The following EYS variants were observed in gnomAD, a reference collection of about 807,000 sequenced individuals.
The protein encoded by EYS is protein eyes shut homolog.
A neutral mutation model predicts 282.1 loss-of-function variants in EYS; 250 were observed. The observed-to-expected ratio is 0.89, with a 90% CI of 0.80 to 0.98. EYS has a LOEUF of 0.98. Among genes scored for constraint, EYS ranks in the 50% least tolerant of loss-of-function variants. The pLI is 0.00. For missense variants in EYS, 4,016 were observed against 3,709.0 expected, an observed-to-expected ratio of 1.08 and a Z score of -2.15; for synonymous variants, 1,355 against 1,282.9, an observed-to-expected ratio of 1.06 and a Z score of -1.20.
intron 12 of EYS, among the ~76,000 whole-genome samples, chr6:65,114,364 A>AAGCAGCAGC: frequency 1.2e-5 from 1 of 85,516 alleles, no homozygotes; most frequent in South Asian, 2.6e-4. Context: ...AAAAAAAAAA[A>AAGCAGCAGC]AGCAGCAGCA....
chr6:64,843,414 T>C (rs2760577), intron 19 of EYS, among the ~76,000 whole-genome samples: 107,949 of 152,062 alleles, frequency 0.71, 38,705 homozygotes, highest in Admixed American at 0.76. Context: ...GGCTATACCC[T>C]GAAAAGCCAC....
chr6:64,381,186 A>G (rs1030658931), intron 29 of EYS, among the ~76,000 whole-genome samples: 2 of 152,124 alleles, frequency 1.3e-5, no homozygotes, highest in African/African-American at 4.8e-5. Context: ...AACGTTCTTT[A>G]TACTAACGGT....
intron 14 of EYS, among the ~76,000 whole-genome samples, chr6:64,967,249 T>A (rs1182453681): frequency 6.6e-6 from 1 of 152,156 alleles, no homozygotes; most frequent in Non-Finnish European, 1.5e-5. Flanking sequence ...AGACTCTGCT[T>A]ATTTTTACCA....
intron 22 of EYS, among the ~76,000 whole-genome samples, chr6:64,685,864 G>T (rs1770078850): frequency 6.6e-6 from 1 of 151,896 alleles, no homozygotes; most frequent in Non-Finnish European, 1.5e-5. Flanking sequence ...AACTACATTT[G>T]AATCATTAAC....
At chr6:63,833,805 AACTAT>A (rs528205460) in intron 36 of EYS, among the ~76,000 whole-genome samples, 409 of 152,350 alleles carry the variant, frequency 2.7e-3, no homozygotes, top group Middle Eastern at 6.8e-3. Flanking sequence ...CAGGACTTCA[AACTAT>A]ACTACAAGGC....
chr6:65,421,146 C>G lies in EYS; in HGVS notation c.863-15779G>C, dbSNP rs186378029. On this transcript the variant is annotated intron_variant, in intron 5 of 42. Transcript: ENST00000503581. ...GTCAGCATTGACTTTTCCTCTCTAG[C>G]TGTGAAAGTCCTAGGTGGCACTATC... is the stretch of plus-strand genomic sequence containing the variant. 2.3e-3 allele frequency among the ~76,000 whole-genome samples: 351 copies of G among 151,984 alleles called. 3 individuals are homozygous for G. Among genetic ancestry groups the G allele is most frequent in the African/African-American group, 8.2e-3 (340 of 41,510 alleles).
chr6:65,630,801 A>G (rs1489047089), intron 2 of EYS, among the ~76,000 whole-genome samples: 2 of 152,224 alleles, frequency 1.3e-5, no homozygotes, highest in African/African-American at 4.8e-5. Context: ...CAAGTCCTCC[A>G]AACAATAAAG....
chr6:65,230,807 A>G (rs2150267440), intron 12 of EYS, among the ~76,000 whole-genome samples: 1 of 151,806 alleles, frequency 6.6e-6, no homozygotes, highest in Non-Finnish European at 1.5e-5. Flanking sequence ...TTGCAGTAGT[A>G]ATATGCATGT....
At chr6:64,866,537 G>A (rs57480986) in intron 19 of EYS, among the ~76,000 whole-genome samples, 213 of 151,862 alleles carry the variant, frequency 1.4e-3, no homozygotes, top group African/African-American at 4.8e-3. Flanking sequence ...TTTTCTGCCT[G>A]TATTGAAGGA....
intron 26 of EYS, among the ~76,000 whole-genome samples, chr6:64,448,637 G>A (rs1011542625): frequency 4.3e-4 from 66 of 152,210 alleles, no homozygotes; most frequent in African/African-American, 1.2e-3. Flanking sequence ...TCACACAGCC[G>A]GGTACTCCTC....
chr6:64,623,477 A>G (rs1767510095), intron 23 of EYS, among the ~76,000 whole-genome samples: 1 of 152,136 alleles, frequency 6.6e-6, no homozygotes, highest in Admixed American at 6.6e-5. Flanking sequence ...GATGCTATGA[A>G]AACTTAATTA....
intron 31 of EYS, among the ~76,000 whole-genome samples, chr6:64,118,052 GA>G (rs2150271528): frequency 6.6e-6 from 1 of 152,112 alleles, no homozygotes; most frequent in Non-Finnish European, 1.5e-5. Context: ...GGGACACAAA[GA>G]GATGGAAGGC....
intron 35 of EYS, among the ~76,000 whole-genome samples, chr6:63,953,192 T>G (rs988602372): frequency 3.9e-5 from 6 of 152,192 alleles, no homozygotes; most frequent in Non-Finnish European, 7.4e-5. Context: ...TTACCTGGAC[T>G]GACCCTGACA....
intron 29 of EYS, among the ~76,000 whole-genome samples, chr6:64,309,748 T>TGAGGTCAA (rs1425311798): frequency 6.6e-6 from 1 of 151,928 alleles, no homozygotes; most frequent in Non-Finnish European, 1.5e-5. Context: ...ACGTGGATCA[T>TGAGGTCAA]GAGGTCAAGA....
intron 12 of EYS, among the ~76,000 whole-genome samples, chr6:65,177,048 T>C (rs1166080152): frequency 2.0e-5 from 3 of 151,812 alleles, no homozygotes; most frequent in Non-Finnish European, 4.4e-5. Context: ...AAAAAGTGTC[T>C]TAATGCCTGT....
At chr6:63,927,749 G>A (rs1162331332) in intron 35 of EYS, among the ~76,000 whole-genome samples, 1 of 152,242 alleles carries the variant, frequency 6.6e-6, no homozygotes, top group African/African-American at 2.4e-5. Context: ...AGAAACAGAA[G>A]CCAGGCTTCT....
intron 19 of EYS, among the ~76,000 whole-genome samples, chr6:64,885,856 A>G (rs1039271436): frequency 5.3e-5 from 8 of 151,870 alleles, no homozygotes; most frequent in South Asian, 2.1e-4. Flanking sequence ...GCTTGCCAAT[A>G]TAATTTCCAT....
intron 28 of EYS, among the ~76,000 whole-genome samples, chr6:64,411,020 T>TA (rs1773872656): frequency 6.6e-6 from 1 of 152,162 alleles, no homozygotes; most frequent in South Asian, 2.1e-4. Context: ...TGGACTGTTT[T>TA]AAGTCTTTAG....
intron 12 of EYS, 92 bp downstream of exon 12, chr6:65,295,771 C>T (rs1768643827): frequency 1.6e-5 from 17 of 1,072,644 alleles, no homozygotes; most frequent in Non-Finnish European, 2.3e-5. Flanking sequence ...AATCAATAGA[C>T]ACATTTGAGA....
Sources: gnomAD v4.1 joint callset for allele counts (sites outside exome capture counted in the v4.1 genomes callset) on GRCh38, gnomAD v4.1.1 for gene constraint, MANE v1.5 for transcripts, NCBI Gene and HGNC (gene_info 2026-07-23, HGNC 2026-07-21) for gene names.